TPD52: variants seen among roughly 807,000 people sequenced by gnomAD.
The protein encoded by TPD52 is prostate and colon associated protein.
In TPD52, 17 loss-of-function variants were observed where a neutral mutation model predicts 31.3. The observed-to-expected ratio is 0.54, with a 90% confidence interval of 0.37 to 0.82. TPD52 has a LOEUF of 0.82. Among genes scored for constraint, TPD52 ranks in the 40% least tolerant of loss-of-function variants. The pLI is 0.00. For synonymous variants in TPD52, 83 were observed against 89.6 expected (o/e 0.93, Z 0.42); for missense variants, 212 against 240.1 (o/e 0.88, Z 0.77).
chr8:80,062,823 G>T (rs755054297), intron 2 of TPD52, among the ~76,000 whole-genome samples: 19 of 151,982 alleles, frequency 1.3e-4, no homozygotes, highest in Non-Finnish European at 2.6e-4. Context: ...TAAAAAATTT[G>T]CCAGGCATAA....
Position 80,037,915 on chromosome 8 carries a change from A to C in TPD52, c.*201T>G, listed in dbSNP as rs150178784. The stretch of plus-strand genomic sequence containing the variant: ...GTGTTTCCTAAATAAAGGAACATAA[A>C]TGTACACTAAAGGGTGTTTCCCAAG... On this transcript the variant is annotated 3_prime_UTR_variant, in exon 8 of 8. Coordinates refer to ENST00000518937, the MANE Select transcript of TPD52 (RefSeq NM_001025253.3). 6.7e-4 allele frequency: 380 copies of C among 564,292 alleles called. 2 individuals are homozygous for C. Among genetic ancestry groups the C allele is most frequent in the African/African-American group, 6.5e-3 (351 of 54,004 alleles). The allele number at this position is 564,292 out of a possible 1,614,324, so 35.0% of individuals were successfully genotyped here. A position where few individuals can be genotyped will look rare whatever the true frequency, so the allele number is the denominator to read the frequency against.
chr8:80,082,770 G>A (rs997492737), intron 1 of TPD52, among the ~76,000 whole-genome samples: 7 of 152,192 alleles, frequency 4.6e-5, no homozygotes, highest in Non-Finnish European at 8.8e-5. Flanking sequence ...GCGCTCTACC[G>A]GATACCTGCC....
intron 5 of TPD52, among the ~76,000 whole-genome samples, chr8:80,049,386 G>A (rs1199243177): frequency 5.3e-5 from 8 of 152,138 alleles, no homozygotes; most frequent in African/African-American, 1.4e-4. Flanking sequence ...GAATGCCAAC[G>A]ATACACAATC....
rs35841969 is a variant in TPD52 at position 80,095,946 on chromosome 8, CTACATACA to C, written c.20-31361_20-31354del. 4.7e-5 allele frequency among the ~76,000 whole-genome samples: 7 copies of C among 150,502 alleles called. No individual in the cohort carries two copies. In the East Asian group the frequency reaches 1.4e-3, roughly 30 times the overall value. On this transcript the variant is annotated intron_variant, in intron 1 of 7. Transcript: ENST00000518937. ...CTGGCAACAGAGTGAGACTCCATCT[CTACATACA>C]TACATACATACATACTATCGGCCAG...
At chr8:80,160,206 T>C (rs1002856438) in intron 1 of TPD52, among the ~76,000 whole-genome samples, 2 of 151,116 alleles carry the variant, frequency 1.3e-5, no homozygotes, top group Non-Finnish European at 3.0e-5. Flanking sequence ...AAAAAAGTAG[T>C]TTAAATTTTT....
chr8:80,041,023 G>A (rs73691134), intron 7 of TPD52, among the ~76,000 whole-genome samples: 4,323 of 152,218 alleles, frequency 0.028, 202 homozygotes, highest in African/African-American at 0.098. Flanking sequence ...TGTGTACAGT[G>A]TAACTCCTCT....
chr8:80,053,440 AG>A lies in TPD52; in HGVS notation c.136-11del. ...GGATTTCTTCTTCTACCTATGAGGA[AG>A]GGGTTTGGGGTAAGAATATAGCAAA... On this transcript the variant is annotated splice_polypyrimidine_tract_variant and intron_variant, in intron 2 of 7. Transcript: ENST00000518937. The A allele has an allele frequency of 6.2e-7, 1 of 1,612,452 alleles. No individual in the cohort carries two copies. The highest frequency in any genetic ancestry group is 8.5e-7 in the Non-Finnish European group (1 of 1,179,282).
chr8:80,097,657 T>C (rs540701367), intron 1 of TPD52, among the ~76,000 whole-genome samples: 18 of 152,354 alleles, frequency 1.2e-4, no homozygotes, highest in African/African-American at 4.1e-4. Flanking sequence ...TCCCCAGCCA[T>C]ACTTCCTGTA....
intron 1 of TPD52, chr8:80,170,965 T>C (rs1315714619): frequency 2.8e-6 from 1 of 360,692 alleles, no homozygotes; most frequent in Non-Finnish European, 5.4e-6. Context: ...CCTAACCACC[T>C]GAACTTAGAA....
chr8:80,037,573 A>G lies in TPD52; in HGVS notation c.*543T>C, dbSNP rs1809996510. On this transcript the variant is annotated 3_prime_UTR_variant, in exon 8 of 8. Transcript: ENST00000518937. ...CTTCAGTCTGGTGTCTTCAACCAAA[A>G]TATGTACCTTATACCAAAACAATGC... The G allele has an allele frequency of 6.6e-6, 1 of 152,302 alleles. No homozygotes were observed. The highest frequency in any genetic ancestry group is 2.4e-5 in the African/African-American group (1 of 41,454). The allele number at this position is 152,302 out of a possible 1,614,324, so 9.4% of individuals were successfully genotyped here. A position where few individuals can be genotyped will look rare whatever the true frequency, so the allele number is the denominator to read the frequency against.
chr8:80,055,076 T>C (rs55699956), intron 2 of TPD52, among the ~76,000 whole-genome samples: 87,600 of 152,054 alleles, frequency 0.58, 25,796 homozygotes, highest in East Asian at 0.7. Flanking sequence ...ATGTACACTC[T>C]CTTAAGCTTC....
chr8:80,042,822 T>C, intron 6 of TPD52, 154 bp from the exon 7 acceptor site: 1 of 577,790 alleles, frequency 1.7e-6, no homozygotes, highest in Non-Finnish European at 2.8e-6. Context: ...CATACAAGTA[T>C]TTATAATGTA....
intron 1 of TPD52, among the ~76,000 whole-genome samples, chr8:80,088,980 C>T (rs1160229599): frequency 6.6e-6 from 1 of 152,210 alleles, no homozygotes; most frequent in African/African-American, 2.4e-5. Context: ...CAGGCGTGAA[C>T]CACTGCGCCT....
intron 1 of TPD52, among the ~76,000 whole-genome samples, chr8:80,111,145 G>A (rs1330642883): frequency 6.6e-6 from 1 of 152,188 alleles, no homozygotes; most frequent in Admixed American, 6.5e-5. Flanking sequence ...TCAAAAGTTC[G>A]AGGCTGCAGT....
rs1388750878 is a variant in TPD52 at position 80,053,358 on chromosome 8, T to G, written c.208A>C (p.Lys70Gln). 6.2e-7 allele frequency: 1 copy of G among 1,613,810 alleles called. No individual in the cohort carries two copies. The change falls in exon 3 of 8, where the codon AAA becomes CAA. Residue 70 changes from lysine to glutamine, a missense_variant. Coordinates refer to ENST00000518937, the MANE Select transcript of TPD52 (RefSeq NM_001025253.3). ...KEKHLAEIKR[K>Q]LGINSLQELK... ...TCCTGTAGAGAATTGATTCCAAGTT[T>G]CCGCTTGATCTCTGCTAGATGCTTC... is the stretch of plus-strand genomic sequence containing the variant.
At chr8:80,056,226 G>A (rs144969531) in intron 2 of TPD52, among the ~76,000 whole-genome samples, 5 of 152,320 alleles carry the variant, frequency 3.3e-5, no homozygotes, top group East Asian at 3.9e-4. Flanking sequence ...CAACATGGAT[G>A]AGCCTAGAGA....
Position 80,064,581 on chromosome 8 carries a change from G to C in TPD52, c.32C>G (p.Thr11Arg). ...TTCTCCTTCCTCAGGGACTGGGTCT[G>C]TTCTCAGCAGACCTGGTTGGGGATT... The part of the protein sequence containing the change: MDRGEQGLLR[T>R]DPVPEEGEDV... Residue 11 changes from threonine (T) to arginine (R), a missense_variant, in exon 2 of 8, where the codon ACA (threonine) becomes AGA (arginine). Physicochemically the swap from Thr to Arg is moderately conservative, Grantham distance 71. Transcript: ENST00000518937. The C allele has an allele frequency of 1.2e-6, 2 of 1,613,848 alleles. No homozygotes were observed. The highest frequency in any genetic ancestry group is 8.5e-7 in the Non-Finnish European group (1 of 1,179,824).
intron 1 of TPD52, among the ~76,000 whole-genome samples, chr8:80,128,436 C>T (rs1377984546): frequency 6.9e-6 from 1 of 145,010 alleles, no homozygotes; most frequent in African/African-American, 2.6e-5. Flanking sequence ...GGAAAGACTG[C>T]TTGAGCTCAG....
chr8:80,031,416 C>G (rs909572226), downstream of TPD52, among the ~76,000 whole-genome samples: 8 of 152,200 alleles, frequency 5.3e-5, no homozygotes, highest in Non-Finnish European at 5.9e-5. Context: ...CAGGTGAGTT[C>G]TCCCTCTTGG....
Sources: gnomAD v4.1 joint callset for allele counts (sites outside exome capture counted in the v4.1 genomes callset) on GRCh38, gnomAD v4.1.1 for gene constraint, MANE v1.5 for transcripts, NCBI Gene and HGNC (gene_info 2026-07-23, HGNC 2026-07-21) for gene names.